The following BCL2 variants were observed in gnomAD, a reference collection of about 807,000 sequenced individuals.
The protein encoded by BCL2 is BCL2 apoptosis regulator.
In BCL2, 1 loss-of-function variant was observed where a neutral mutation model predicts 14.2. The observed-to-expected ratio is 0.07, with a 90% confidence interval of 0.02 to 0.33. BCL2 has a LOEUF of 0.33. Among genes scored for constraint, BCL2 ranks in the 10% least tolerant of loss-of-function variants. The pLI, the probability that BCL2 is intolerant of heterozygous loss-of-function variation, is 0.99. For synonymous variants in BCL2, 151 were observed against 137.2 expected (o/e 1.10, Z -0.70); for missense variants, 247 against 305.9 (o/e 0.81, Z 1.44).
chr18:63,251,135 T>A (rs1911299047), intron 2 of BCL2, among the ~76,000 whole-genome samples: 1 of 147,644 alleles, frequency 6.8e-6, no homozygotes, highest in South Asian at 2.2e-4. Context: ...CGGTTGAAAC[T>A]CATTTAGCAT....
At chr18:63,206,609 G>T (rs1909843504) in intron 2 of BCL2, among the ~76,000 whole-genome samples, 1 of 152,236 alleles carries the variant, frequency 6.6e-6, no homozygotes, top group Admixed American at 6.5e-5. Flanking sequence ...ATCCAGGTGT[G>T]CCTTCGCCAC....
chr18:63,144,461 G>C (rs1036964754), intron 2 of BCL2, among the ~76,000 whole-genome samples: 1 of 152,080 alleles, frequency 6.6e-6, no homozygotes, highest in Non-Finnish European at 1.5e-5. Flanking sequence ...CTATATGACT[G>C]CCAGGCATGT....
chr18:63,298,881 T>C (rs1912874651), intron 2 of BCL2, among the ~76,000 whole-genome samples: 1 of 152,166 alleles, frequency 6.6e-6, no homozygotes, highest in Admixed American at 6.5e-5. Context: ...TCATCACTTC[T>C]GGGGCCTTGA....
rs531411327 is a variant in BCL2 at position 63,165,690 on chromosome 18, A to G, written c.586-36931T>C. The stretch of plus-strand genomic sequence containing the variant: ...GGTGTTTTACAGTCACCTGTGCAAC[A>G]AACATTTACAAAGGGATGCAAAGGG... On this transcript the variant is annotated intron_variant, in intron 2 of 2. Coordinates refer to ENST00000333681, the MANE Select transcript of BCL2 (RefSeq NM_000633.3). 7.9e-5 allele frequency among the ~76,000 whole-genome samples: 12 copies of G among 152,358 alleles called. No homozygotes were observed. The Middle Eastern group carries it at 0.01, about 130-fold the overall frequency.
At chr18:63,139,019 CCACCTG>C (rs4987833) in intron 2 of BCL2, among the ~76,000 whole-genome samples, 2,578 of 152,308 alleles carry the variant, frequency 0.017, 43 homozygotes, top group Non-Finnish European at 0.025. Context: ...TTGGCCCCAA[CCACCTG>C]CTAATGGAGA....
At chr18:63,309,561 C>A (rs1913241974) in intron 2 of BCL2, among the ~76,000 whole-genome samples, 1 of 152,174 alleles carries the variant, frequency 6.6e-6, no homozygotes, top group Admixed American at 6.5e-5. Context: ...AGTGTGCCCA[C>A]ATCTGTCCTG....
intron 2 of BCL2, among the ~76,000 whole-genome samples, chr18:63,298,161 G>A (rs1912853292): frequency 6.6e-6 from 1 of 151,514 alleles, no homozygotes; most frequent in Non-Finnish European, 1.5e-5. Context: ...GTCCTCTGGG[G>A]TAAATGAGTG....
chr18:63,254,409 A>AAAAAG (rs1555704362), intron 2 of BCL2, among the ~76,000 whole-genome samples: 17 of 149,414 alleles, frequency 1.1e-4, no homozygotes, highest in South Asian at 2.1e-4. Flanking sequence ...AAAAAAAAAA[A>AAAAAG]GCTGGGTGTG....
rs557644325 is a variant in BCL2, at chr18:63,237,844, T to G, written c.585+80238A>C. Among the ~76,000 whole-genome samples the G allele has an allele frequency of 2.6e-5, 4 of 152,330 alleles. No homozygotes were observed. In the East Asian group the frequency reaches 7.7e-4, roughly 29 times the overall value. ...TAACAACCCATTGTAAATGAAAATA[T>G]GATCTTGGTAATTGATTTTAAATAG... On this transcript the variant is annotated intron_variant, in intron 2 of 2. Coordinates refer to ENST00000333681, the MANE Select transcript of BCL2 (RefSeq NM_000633.3).
At chr18:63,198,571 GACACACAGACACATAGACACAGAGACAC>G (rs1568231296) in intron 2 of BCL2, among the ~76,000 whole-genome samples, 3 of 120,274 alleles carry the variant, frequency 2.5e-5, no homozygotes, top group Non-Finnish European at 3.5e-5. Context: ...GACACACATT[GACACACAGACACATAGACACAGAGACAC>G]ACACACAGAC....
At chr18:63,297,052 A>G (rs1912816306) in intron 2 of BCL2, among the ~76,000 whole-genome samples, 2 of 152,160 alleles carry the variant, frequency 1.3e-5, no homozygotes, top group South Asian at 4.1e-4. Flanking sequence ...CTCTACTAAA[A>G]ATACAAAAAA....
chr18:63,307,874 A>T (rs568572873), intron 2 of BCL2, among the ~76,000 whole-genome samples: 1 of 152,348 alleles, frequency 6.6e-6, no homozygotes, highest in East Asian at 1.9e-4. Flanking sequence ...GGTTTCATTC[A>T]TGGGGACAAA....
chr18:63,177,957 A>G (rs1292799920), intron 2 of BCL2, among the ~76,000 whole-genome samples: 4 of 152,134 alleles, frequency 2.6e-5, no homozygotes, highest in Admixed American at 2.0e-4. Context: ...AGCCTGCATG[A>G]GGAGGGCACG....
At chr18:63,225,949 T>C (rs989996239) in intron 2 of BCL2, among the ~76,000 whole-genome samples, 7 of 152,182 alleles carry the variant, frequency 4.6e-5, no homozygotes, top group African/African-American at 1.4e-4. Context: ...TACACCTGCA[T>C]TGTGGCACCC....
chr18:63,177,214 A>C (rs887209080), intron 2 of BCL2, among the ~76,000 whole-genome samples: 2 of 152,156 alleles, frequency 1.3e-5, no homozygotes, highest in African/African-American at 4.8e-5. Flanking sequence ...TCAAAAGTAA[A>C]AAATAAATTA....
rs188486274 is a variant in BCL2, at chr18:63,273,307, C to T, written c.585+44775G>A. ...AGCTGGGGCTTTGCCTTGTGTCAGC[C>T]GACGAAGAACTCCCAAGGCCGTTCT... On this transcript the variant is annotated intron_variant, in intron 2 of 2. Coordinates refer to ENST00000333681, the MANE Select transcript of BCL2 (RefSeq NM_000633.3). 1.5e-3 allele frequency among the ~76,000 whole-genome samples: 230 copies of T among 152,252 alleles called. 2 individuals carry two copies. The highest frequency in any genetic ancestry group is 5.2e-3 in the African/African-American group (217 of 41,536).
intron 2 of BCL2, among the ~76,000 whole-genome samples, chr18:63,268,363 A>G (rs1911898753): frequency 6.6e-6 from 1 of 152,234 alleles, no homozygotes; most frequent in South Asian, 2.1e-4. Context: ...AAGGGCATAC[A>G]TTCTTCCACT....
intron 2 of BCL2, among the ~76,000 whole-genome samples, chr18:63,249,038 A>G (rs369354963): frequency 1.7e-4 from 26 of 152,280 alleles, no homozygotes; most frequent in South Asian, 1.5e-3. Flanking sequence ...ACATTCCCCA[A>G]TTTCAGAATC....
chr18:63,290,848 C>T (rs1288075010), intron 2 of BCL2, among the ~76,000 whole-genome samples: 1 of 152,190 alleles, frequency 6.6e-6, no homozygotes, highest in Non-Finnish European at 1.5e-5. Flanking sequence ...AAGATATGAA[C>T]ACTGTGTGGG....
Sources: gnomAD v4.1 joint callset for allele counts (sites outside exome capture counted in the v4.1 genomes callset) on GRCh38, gnomAD v4.1.1 for gene constraint, MANE v1.5 for transcripts, NCBI Gene and HGNC (gene_info 2026-07-23, HGNC 2026-07-21) for gene names.